Variants in ADAMTSL1 observed in about 807,000 individuals in gnomAD.
ADAMTSL1 encodes the protein ADAMTS-like protein 1.
In ADAMTSL1, 126 loss-of-function variants were observed where a neutral mutation model predicts 201.8. The ratio of observed to expected loss-of-function variants is 0.62; its 90% CI spans 0.54 to 0.72. ADAMTSL1 has a LOEUF of 0.72. Ranked by LOEUF, ADAMTSL1 falls within the 30% of genes least tolerant of loss-of-function variation. The pLI, the probability that ADAMTSL1 is intolerant of heterozygous loss-of-function variation, is 0.00. For synonymous variants in ADAMTSL1, 1,121 were observed against 903.4 expected (o/e 1.24, Z -4.32); for missense variants, 2,679 against 2,277.8 (o/e 1.18, Z -3.59).
chr9:18,220,524 C>T (rs928427903), intron 2 of ADAMTSL1, among the ~76,000 whole-genome samples: 2 of 152,020 alleles, frequency 1.3e-5, no homozygotes, highest in Non-Finnish European at 2.9e-5. Flanking sequence ...CTTCTAAACA[C>T]CATATTGGAT....
At chr9:18,179,710 G>A (rs1243483021) in intron 2 of ADAMTSL1, among the ~76,000 whole-genome samples, 1 of 152,018 alleles carries the variant, frequency 6.6e-6, no homozygotes, top group Non-Finnish European at 1.5e-5. Context: ...AAGAGAGTGG[G>A]GACCAATATT....
intron 2 of ADAMTSL1, among the ~76,000 whole-genome samples, chr9:18,525,050 G>A (rs527537770): frequency 2.0e-4 from 30 of 152,248 alleles, no homozygotes; most frequent in East Asian, 7.7e-4. Context: ...AGTAGAATTC[G>A]GCTGTGAATC....
At chr9:18,680,538 G>A (rs984616497) in intron 11 of ADAMTSL1, 22 bp downstream of exon 11, 3 of 1,612,338 alleles carry the variant, frequency 1.9e-6, no homozygotes, top group Admixed American at 3.3e-5. Context: ...TTCTTTCTTT[G>A]TTCATTAGGA....
At chr9:18,050,370 C>G (rs1421094712) in intron 1 of ADAMTSL1, among the ~76,000 whole-genome samples, 1 of 151,966 alleles carries the variant, frequency 6.6e-6, no homozygotes, top group Non-Finnish European at 1.5e-5. Context: ...TTATTGAATA[C>G]TTGGGTTGGA....
At chr9:18,164,898 A>T (rs1827566124) in intron 2 of ADAMTSL1, among the ~76,000 whole-genome samples, 1 of 151,886 alleles carries the variant, frequency 6.6e-6, no homozygotes, top group South Asian at 2.1e-4. Flanking sequence ...GCCATTCACA[A>T]GGCACTTCTT....
At chr9:17,923,571 C>G (rs1826395367) in intron 1 of ADAMTSL1, among the ~76,000 whole-genome samples, 1 of 150,098 alleles carries the variant, frequency 6.7e-6, no homozygotes, top group South Asian at 2.1e-4. Flanking sequence ...CGTCTGCAAA[C>G]AGGGACAATT....
chr9:18,793,711 G>A lies in ADAMTSL1; in HGVS notation c.3678-1686G>A, dbSNP rs547562099. ...AAACTGGCTACTGAGCCATTTCTGT[G>A]CTATCAAATAAACTGTCAACCTAAA... On this transcript the variant is annotated intron_variant, in intron 19 of 28. Transcript: ENST00000380548. Among the ~76,000 whole-genome samples, 18 of 152,300 alleles carry A rather than the reference G, an allele frequency of 1.2e-4. No individual in the cohort carries two copies. The South Asian group carries it at 3.3e-3, about 28-fold the overall frequency.
intron 2 of ADAMTSL1, among the ~76,000 whole-genome samples, chr9:18,175,345 G>C (rs1401247879): frequency 6.6e-6 from 1 of 152,134 alleles, no homozygotes; most frequent in Non-Finnish European, 1.5e-5. Context: ...AACACCAGCT[G>C]GCTGCCCATC....
At chr9:18,727,687 A>G (rs996587666) in intron 15 of ADAMTSL1, among the ~76,000 whole-genome samples, 7 of 152,208 alleles carry the variant, frequency 4.6e-5, no homozygotes, top group Non-Finnish European at 1.0e-4. Context: ...TTTTTCCTAG[A>G]TATTCTTTTC....
At chr9:18,487,115 A>T (rs1427232829) in intron 1 of ADAMTSL1, among the ~76,000 whole-genome samples, 3 of 152,240 alleles carry the variant, frequency 2.0e-5, no homozygotes, top group Non-Finnish European at 4.4e-5. Flanking sequence ...GCCATATCTG[A>T]AATTCCTCAA....
intron 2 of ADAMTSL1, among the ~76,000 whole-genome samples, chr9:18,520,021 GT>G (rs1818596117): frequency 6.6e-6 from 1 of 151,758 alleles, no homozygotes; most frequent in South Asian, 2.1e-4. Flanking sequence ...AATCATACTT[GT>G]TTGGAAAAAA....
intron 4 of ADAMTSL1, among the ~76,000 whole-genome samples, chr9:18,598,629 G>T (rs62548416): frequency 0.014 from 2,072 of 152,034 alleles, 44 homozygotes; most frequent in African/African-American, 0.04. Flanking sequence ...AAAAAATCAA[G>T]TGGGAAACTT....
intron 2 of ADAMTSL1, among the ~76,000 whole-genome samples, chr9:18,291,836 C>T (rs56092205): frequency 0.061 from 9,231 of 151,264 alleles, 944 homozygotes; most frequent in African/African-American, 0.21. Flanking sequence ...AGAAAGCATA[C>T]CTCTAGACAC....
intron 1 of ADAMTSL1, among the ~76,000 whole-genome samples, chr9:18,152,127 T>A (rs752569376): frequency 2.2e-4 from 33 of 152,120 alleles, no homozygotes; most frequent in Non-Finnish European, 3.7e-4. Context: ...GACCTAAGAT[T>A]CAGTTTCAGT....
intron 1 of ADAMTSL1, among the ~76,000 whole-genome samples, chr9:18,502,168 CTTTAG>C: frequency 6.6e-6 from 1 of 152,082 alleles, no homozygotes. Flanking sequence ...TGTGGATTTT[CTTTAG>C]TTTTGTTTTG....
intron 5 of ADAMTSL1, among the ~76,000 whole-genome samples, chr9:18,628,558 C>T (rs1360787828): frequency 1.3e-5 from 2 of 152,086 alleles, no homozygotes; most frequent in Non-Finnish European, 2.9e-5. Flanking sequence ...CTATTCTATT[C>T]TGGGTCTTTG....
chr9:18,413,331 A>T (rs1818533469), intron 2 of ADAMTSL1, among the ~76,000 whole-genome samples: 2 of 151,814 alleles, frequency 1.3e-5, no homozygotes, highest in Non-Finnish European at 2.9e-5. Context: ...CACCTGGCTA[A>T]TTTTTGTATT....
chr9:18,904,919 C>G (rs1830218556), intron 26 of ADAMTSL1, among the ~76,000 whole-genome samples: 1 of 151,752 alleles, frequency 6.6e-6, no homozygotes, highest in African/African-American at 2.4e-5. Flanking sequence ...GGTCATGGAT[C>G]CCTCTGAGTA....
At chr9:18,716,623 C>T (rs1029772727) in intron 14 of ADAMTSL1, among the ~76,000 whole-genome samples, 1 of 140,308 alleles carries the variant, frequency 7.1e-6, no homozygotes, top group Non-Finnish European at 1.5e-5. Context: ...AATAGAAACA[C>T]TTTTACACTG....
Sources: allele counts gnomAD v4.1 joint callset (sites outside exome capture counted in the v4.1 genomes callset), GRCh38; gene constraint gnomAD v4.1.1; transcripts MANE v1.5; gene names NCBI Gene and HGNC (gene_info 2026-07-23, HGNC 2026-07-21).